The following NOS1 variants were observed in gnomAD, a reference collection of about 807,000 sequenced individuals.
NOS1 encodes NOS type I.
Under a neutral mutation model 164.5 loss-of-function variants are expected in NOS1, and 51 were observed. That is an observed-to-expected ratio of 0.31 (90% CI 0.25 to 0.39). NOS1 has a LOEUF of 0.39. Ranked by LOEUF, NOS1 falls within the 10% of genes least tolerant of loss-of-function variation. The pLI is 1.00. For synonymous variants in NOS1, 719 were observed against 745.8 expected (o/e 0.96, Z 0.59); for missense variants, 1,362 against 1,885.6 (o/e 0.72, Z 5.14).
chr12:117,322,763 T>TCCC (rs1875045462), intron 2 of NOS1, among the ~76,000 whole-genome samples: 1 of 82,938 alleles, frequency 1.2e-5, no homozygotes, highest in Non-Finnish European at 2.4e-5. Flanking sequence ...CCTTCCCTCC[T>TCCC]TCCTTCCCTC....
At chr12:117,266,081 G>A (rs1425283710) in intron 11 of NOS1, among the ~76,000 whole-genome samples, 1 of 151,966 alleles carries the variant, frequency 6.6e-6, no homozygotes, top group African/African-American at 2.4e-5. Flanking sequence ...TTACAGGTGT[G>A]AGCCACCGTG....
At chr12:117,309,663 C>T (rs1329835436) in intron 3 of NOS1, among the ~76,000 whole-genome samples, 1 of 152,210 alleles carries the variant, frequency 6.6e-6, no homozygotes, top group Non-Finnish European at 1.5e-5. Context: ...GACAAAGGTG[C>T]TGCTGATCTC....
At chr12:117,276,455 G>C (rs548018281) in intron 9 of NOS1, among the ~76,000 whole-genome samples, 15 of 152,124 alleles carry the variant, frequency 9.9e-5, no homozygotes, top group Non-Finnish European at 2.1e-4. Context: ...GGGAATTTTT[G>C]TATTTTTAGT....
intron 16 of NOS1, among the ~76,000 whole-genome samples, chr12:117,257,593 T>C (rs1233774198): frequency 6.7e-6 from 1 of 149,360 alleles, no homozygotes; most frequent in Admixed American, 6.8e-5. Context: ...AGAAGTTCCA[T>C]TCTTTGATTT....
chr12:117,253,377 G>C (rs536482936), intron 17 of NOS1, among the ~76,000 whole-genome samples: 1 of 152,144 alleles, frequency 6.6e-6, no homozygotes. Context: ...ACAAACAATG[G>C]GGTGAACCTT....
In NOS1 at chr12:117,320,933, C is replaced by T. The variant is rs146890891; in HGVS notation, c.726-9341G>A. Among the ~76,000 whole-genome samples the T allele has an allele frequency of 5.3e-4, 81 of 152,280 alleles. 1 individual carries two copies. In the East Asian group the frequency reaches 0.013, roughly 24 times the overall value. On this transcript the variant is annotated intron_variant, in intron 2 of 28. Transcript: ENST00000317775. ...CCCCCTATCTAATGCTCTACCAAAC[C>T]CCAAGCCCCTTTTCTTCAAATCACT...
rs911374614 is a variant in NOS1, at chr12:117,361,621, A to C, written c.-530T>G. 6.6e-6 allele frequency: 1 copy of C among 151,986 alleles called. No homozygotes were observed. Among genetic ancestry groups the C allele is most frequent in the Non-Finnish European group, 1.5e-5 (1 of 67,992 alleles). 9.4% of individuals were successfully genotyped at this position (151,986 alleles called of 1,614,324 possible). ...ACGCGGCATAAATATGTAGGGACTG[A>C]GCCGTGAGCTCAGCGAGGGTCGTGA... On this transcript the variant is annotated 5_prime_UTR_variant, in exon 1 of 29. Transcript: ENST00000317775.
chr12:117,304,865 C>T (rs1186461503), intron 3 of NOS1: 6 of 270,510 alleles, frequency 2.2e-5, no homozygotes. Flanking sequence ...GGTGGGGATC[C>T]CTTCTGGGAT....
At chr12:117,295,452 G>C (rs75917164) in intron 3 of NOS1, among the ~76,000 whole-genome samples, 1,869 of 152,184 alleles carry the variant, frequency 0.012, 42 homozygotes, top group African/African-American at 0.043. Context: ...CTAGTATTTT[G>C]ATAGAGTCCA....
intron 3 of NOS1, among the ~76,000 whole-genome samples, chr12:117,299,094 C>T (rs1225346645): frequency 2.6e-5 from 4 of 152,162 alleles, no homozygotes; most frequent in Admixed American, 6.5e-5. Flanking sequence ...CAGCCCTGGG[C>T]GGCATCGCAC....
intron 27 of NOS1, 96 bp from the exon 28 acceptor site, chr12:117,218,260 T>C (rs1346788046): frequency 1.1e-6 from 1 of 875,586 alleles, no homozygotes; most frequent in Non-Finnish European, 1.9e-6. Context: ...GGAATATCCC[T>C]AAGGAAGATG....
In NOS1 at chr12:117,209,518, G is replaced by A. The variant is rs760062562; in HGVS notation, c.*5791C>T. ...AGTGCATGGAGGCAGATTTGTTCCC[G>A]CCTGCCAGGGCCATCTCGTTAATAA... On this transcript the variant is annotated 3_prime_UTR_variant, in exon 29 of 29. Transcript: ENST00000317775. The A allele has an allele frequency of 7.0e-5, 69 of 985,368 alleles. No homozygotes were observed. Among genetic ancestry groups the A allele is most frequent in the Non-Finnish European group, 8.1e-5 (67 of 829,958 alleles). The allele number at this position is 985,368 out of a possible 1,614,324, so 61.0% of individuals were successfully genotyped here. A position where few individuals can be genotyped will look rare whatever the true frequency, so the allele number is the denominator to read the frequency against.
At position 117,290,979 on chromosome 12, in the gene NOS1, G is replaced by A. The variant is rs142391925; in HGVS notation, c.853-553C>T. Reference sequence around the variant, plus strand: ...TGTAATCCCAGCACTCTGGGAGCCCGAGGTGGGCGGATCACTTGAGATCAG... The same window carrying A: ...TGTAATCCCAGCACTCTGGGAGCCCAAGGTGGGCGGATCACTTGAGATCAG... On this transcript the variant is annotated intron_variant, in intron 3 of 28. Coordinates refer to ENST00000317775, the MANE Select transcript of NOS1 (RefSeq NM_000620.5). 1.5e-3 allele frequency among the ~76,000 whole-genome samples: 229 copies of A among 152,248 alleles called. 1 individual carries two copies. The highest frequency in any genetic ancestry group is 5.1e-3 in the African/African-American group (210 of 41,556).
At chr12:117,320,653 C>T (rs1006910202) in intron 2 of NOS1, among the ~76,000 whole-genome samples, 2 of 152,140 alleles carry the variant, frequency 1.3e-5, no homozygotes, top group Admixed American at 6.5e-5. Flanking sequence ...TGAATGGGGG[C>T]GGGGACAGGG....
intron 26 of NOS1, among the ~76,000 whole-genome samples, chr12:117,221,636 A>G (rs1052849821): frequency 6.7e-6 from 1 of 148,204 alleles, no homozygotes; most frequent in African/African-American, 2.5e-5. Context: ...TTTTATTTCT[A>G]ATTATTTATT....
chr12:117,345,027 C>G (rs1593039531), intron 1 of NOS1, among the ~76,000 whole-genome samples: 4 of 99,918 alleles, frequency 4.0e-5, no homozygotes, highest in African/African-American at 1.7e-4. Flanking sequence ...TGGTTGCTTT[C>G]TTGCTTTTTT....
intron 22 of NOS1, among the ~76,000 whole-genome samples, chr12:117,228,750 G>A (rs150169831): frequency 2.0e-5 from 3 of 152,098 alleles, no homozygotes; most frequent in Non-Finnish European, 2.9e-5. Flanking sequence ...AGACTGTCCT[G>A]GCCTTATTTA....
intron 17 of NOS1, among the ~76,000 whole-genome samples, chr12:117,252,447 T>C (rs897477872): frequency 6.6e-6 from 1 of 152,228 alleles, no homozygotes; most frequent in Non-Finnish European, 1.5e-5. Flanking sequence ...AAAATGGGTC[T>C]GACTGTCAAA....
At chr12:117,264,235 G>T (rs1872184606) in intron 12 of NOS1, among the ~76,000 whole-genome samples, 1 of 151,908 alleles carries the variant, frequency 6.6e-6, no homozygotes, top group African/African-American at 2.4e-5. Context: ...CTCAAACTCT[G>T]TTCTTGTGAC....
Sources: gnomAD v4.1 joint callset for allele counts (sites outside exome capture counted in the v4.1 genomes callset) on GRCh38, gnomAD v4.1.1 for gene constraint, MANE v1.5 for transcripts, NCBI Gene and HGNC (gene_info 2026-07-23, HGNC 2026-07-21) for gene names.